Variants in FAM78A observed in about 807,000 individuals in gnomAD.
FAM78A encodes family with sequence similarity 78 member A.
In FAM78A, 12 loss-of-function variants were observed where a neutral mutation model predicts 22.6. That is an observed-to-expected ratio of 0.53 (90% confidence interval 0.34 to 0.86). The LOEUF is 0.86. FAM78A is among the 40% of genes least tolerant of loss of function. The probability of loss-of-function intolerance (pLI) is 0.02; values close to 1 mark genes in which losing one functional copy is unlikely to be tolerated. For missense variants in FAM78A, 322 were observed against 396.1 expected, an observed-to-expected ratio of 0.81 and a Z score of 1.59; for synonymous variants, 151 against 155.8, an observed-to-expected ratio of 0.97 and a Z score of 0.23.
chr9:131,270,175 C>G, intron 1 of FAM78A: 1 of 678,778 alleles, frequency 1.5e-6, no homozygotes, highest in Non-Finnish European at 2.7e-6. Flanking sequence ...CACTGCACTC[C>G]AGCCTGGGTG....
chr9:131,279,351 T>C (rs1835520224), upstream of FAM78A, among the ~76,000 whole-genome samples: 4 of 152,270 alleles, frequency 2.6e-5, no homozygotes, highest in Admixed American at 2.6e-4. Flanking sequence ...CAAAACCTTC[T>C]GTCCCTCTGA....
upstream of FAM78A, among the ~76,000 whole-genome samples, chr9:131,277,363 A>G (rs1398923303): frequency 6.6e-6 from 1 of 151,438 alleles, no homozygotes. This position sits in a 1 kb window ranked among gnomAD's most constrained non-coding sequence, Gnocchi z 8.4. Flanking sequence ...TCCGGCGGGC[A>G]CCCCTTTCCC....
At chr9:131,270,463 G>T in intron 1 of FAM78A, 1 of 717,196 alleles carries the variant, frequency 1.4e-6, no homozygotes, top group African/African-American at 1.7e-5. Flanking sequence ...GCCTCACTTG[G>T]TCTCCAATGT....
Position 131,260,988 on chromosome 9 carries a change from G to A in FAM78A, c.686C>T (p.Ala229Val). Residue 229 changes from alanine to valine, a missense_variant, in exon 2 of 2, where the codon GCC (alanine) becomes GTC (valine). By Grantham distance (64) the Ala-to-Val change is moderately conservative (BLOSUM62 0). Transcript: ENST00000372271. This position sits in a 1 kb window ranked among gnomAD's most constrained non-coding sequence, Gnocchi z 5.4. Reference sequence around the variant, plus strand: ...CTGGGCGATGGGCTCCCGCAGCCGGGCGCGCTGGCCCAGGGGCCGGTTGGG... The same window carrying A: ...CTGGGCGATGGGCTCCCGCAGCCGGACGCGCTGGCCCAGGGGCCGGTTGGG... ...VNPNRPLGQR[A>V]RLREPIAQDQ... 3 of 1,613,456 alleles carry A rather than the reference G, an allele frequency of 1.9e-6. No homozygotes were observed. The highest frequency in any genetic ancestry group is 2.5e-6 in the Non-Finnish European group (3 of 1,179,754).
In FAM78A at chr9:131,274,672, G is replaced by A. The variant is rs112686908; in HGVS notation, c.323+1185C>T. On this transcript the variant is annotated intron_variant, in intron 1 of 1. Coordinates refer to ENST00000372271, the MANE Select transcript of FAM78A (RefSeq NM_033387.4). The surrounding 1 kb of genome is among the most constrained non-coding windows in gnomAD (Gnocchi z 4.2). ...GAGAAGCCACCAGACTTGGTGTCCC[G>A]CCATCCTCCACCCCTCTCATTTACA... Among the ~76,000 whole-genome samples, 68 of 152,284 alleles carry A rather than the reference G, an allele frequency of 4.5e-4. No homozygotes were observed. The highest frequency in any genetic ancestry group is 1.6e-3 in the African/African-American group (65 of 41,564).
chr9:131,273,372 G>A (rs73545956), intron 1 of FAM78A, among the ~76,000 whole-genome samples: 10,021 of 152,262 alleles, frequency 0.066, 1,083 homozygotes, highest in African/African-American at 0.22. Flanking sequence ...CCTGGGGCTG[G>A]TCCCCGTGTA....
chr9:131,277,593 CG>C (rs1395311271), upstream of FAM78A, among the ~76,000 whole-genome samples: 1 of 151,782 alleles, frequency 6.6e-6, no homozygotes, highest in Non-Finnish European at 1.5e-5. This position sits in a 1 kb window ranked among gnomAD's most constrained non-coding sequence, Gnocchi z 8.4. Flanking sequence ...GCTCTCCGGA[CG>C]CCCCTGACCC....
At chr9:131,276,863 G>GC (rs1347341466), upstream of FAM78A, among the ~76,000 whole-genome samples, 1 of 149,164 alleles carries the variant, frequency 6.7e-6, no homozygotes, top group Non-Finnish European at 1.5e-5. The surrounding 1 kb of genome is among the most constrained non-coding windows in gnomAD (Gnocchi z 4.3). Flanking sequence ...TCCCTTCGCC[G>GC]CTGTCGCTGC....
chr9:131,265,358 C>T lies in FAM78A; in HGVS notation c.324-4008G>A, dbSNP rs1469938492. Among the ~76,000 whole-genome samples the T allele has an allele frequency of 1.3e-5, 2 of 152,144 alleles. No individual in the cohort carries two copies. Among genetic ancestry groups the T allele is most frequent in the Non-Finnish European group, 2.9e-5 (2 of 68,028 alleles). On this transcript the variant is annotated intron_variant, in intron 1 of 1. Transcript: ENST00000372271. This position sits in a 1 kb window ranked among gnomAD's most constrained non-coding sequence, Gnocchi z 4.3. ...GCAACCTCTGCCTCCTGGGTTCAAGCGATTCTCCTGCCTCAGCTTCCCAAG... is the reference window on the plus strand; with the variant it reads ...GCAACCTCTGCCTCCTGGGTTCAAGTGATTCTCCTGCCTCAGCTTCCCAAG...
Position 131,275,925 on chromosome 9 carries a change from A to G in FAM78A, c.255T>C (p.Thr85=), listed in dbSNP as rs1054293283. The change falls in exon 1 of 2, where the codon ACT becomes ACC. Residue 85 remains threonine (T), a synonymous_variant. Transcript: ENST00000372271. This position sits in a 1 kb window ranked among gnomAD's most constrained non-coding sequence, Gnocchi z 4.6. ...VVMPPIPKKE[T]WVVGWIQACS... ...ACGCCTGGATCCAGCCAACTACCCAAGTCTCCTTCTTGGGGATGGGCGGCA... is the reference window on the plus strand; with the variant it reads ...ACGCCTGGATCCAGCCAACTACCCAGGTCTCCTTCTTGGGGATGGGCGGCA... 1.2e-6 allele frequency: 2 copies of G among 1,613,198 alleles called. No individual in the cohort carries two copies. The highest frequency in any genetic ancestry group is 1.7e-5 in the Admixed American group (1 of 60,006).
chr9:131,280,613 G>A (rs1835533511), upstream of FAM78A, among the ~76,000 whole-genome samples: 1 of 152,178 alleles, frequency 6.6e-6, no homozygotes, highest in South Asian at 2.1e-4. Context: ...TGGCCACTTG[G>A]GAGCTCAAAG....
rs937069492 is a variant in FAM78A at position 131,258,956 on chromosome 9, G to A, written c.*1866C>T. The A allele has an allele frequency of 6.6e-6, 1 of 152,586 alleles. No individual in the cohort carries two copies. Among genetic ancestry groups the A allele is most frequent in the Non-Finnish European group, 1.5e-5 (1 of 68,050 alleles). 9.5% of individuals were successfully genotyped at this position (152,586 alleles called of 1,614,324 possible). On this transcript the variant is annotated 3_prime_UTR_variant, in exon 2 of 2. Transcript: ENST00000372271. ...AGCCTCCTGGCACGAGCTGGGCCCG[G>A]AGACCGACGGCAGTGGCTAAACGGT...
In FAM78A at chr9:131,265,948, C is replaced by T. The variant is rs1270951814; in HGVS notation, c.324-4598G>A. ...AAGTGGCTTCCTCAGCCTCCCGCAG[C>T]GTCCCTGTCCTGAGTCCCATCATCA... On this transcript the variant is annotated intron_variant, in intron 1 of 1. Coordinates refer to ENST00000372271, the MANE Select transcript of FAM78A (RefSeq NM_033387.4). This position sits in a 1 kb window ranked among gnomAD's most constrained non-coding sequence, Gnocchi z 4.3. 6.6e-6 allele frequency among the ~76,000 whole-genome samples: 1 copy of T among 152,186 alleles called. No homozygotes were observed. Among genetic ancestry groups the T allele is most frequent in the Non-Finnish European group, 1.5e-5 (1 of 68,022 alleles).
At position 131,275,722 on chromosome 9, in the gene FAM78A, C is replaced by T. The variant is rs537560544; in HGVS notation, c.323+135G>A. 4 of 968,118 alleles carry T rather than the reference C, an allele frequency of 4.1e-6. No individual in the cohort carries two copies. The African/African-American group carries it at 5.0e-5, about 12-fold the overall frequency. 60.0% of individuals were successfully genotyped at this position (968,118 alleles called of 1,614,324 possible). A position where few individuals can be genotyped will look rare whatever the true frequency, so the allele number is the denominator to read the frequency against. ...CGGGCCAATGAGGCCACCTGCATAC[C>T]TGCCTAAAGCTTCCCTCTGGCCTCC... On this transcript the variant is annotated intron_variant, in intron 1 of 1. Coordinates refer to ENST00000372271, the MANE Select transcript of FAM78A (RefSeq NM_033387.4). The surrounding 1 kb of genome is among the most constrained non-coding windows in gnomAD (Gnocchi z 4.6).
chr9:131,267,445 T>C (rs948359053), intron 1 of FAM78A, among the ~76,000 whole-genome samples: 1 of 151,960 alleles, frequency 6.6e-6, no homozygotes, highest in Non-Finnish European at 1.5e-5. Flanking sequence ...GGTGGGAGGA[T>C]TGCTTGAGCA....
chr9:131,263,294 C>T (rs1027183161), intron 1 of FAM78A, among the ~76,000 whole-genome samples: 4 of 150,354 alleles, frequency 2.7e-5, no homozygotes. Context: ...GTGGTGAAGG[C>T]TGCAAAACAA....
chr9:131,272,458 A>AC lies in FAM78A; in HGVS notation c.323+3398dup, dbSNP rs1274826685. On this transcript the variant is annotated intron_variant, in intron 1 of 1. Transcript: ENST00000372271. This position sits in a 1 kb window ranked among gnomAD's most constrained non-coding sequence, Gnocchi z 4.1. Reference sequence around the variant, plus strand: ...CCCAGCCCCCTACCATGCACAGGACACCCCCCACCAGCACAGACAGAATTA... The same window carrying AC: ...CCCAGCCCCCTACCATGCACAGGACACCCCCCCACCAGCACAGACAGAATTA... Among the ~76,000 whole-genome samples, 1 of 151,620 alleles carries AC rather than the reference A, an allele frequency of 6.6e-6. No individual in the cohort carries two copies. The highest frequency in any genetic ancestry group is 2.4e-5 in the African/African-American group (1 of 41,204).
intron 1 of FAM78A, among the ~76,000 whole-genome samples, chr9:131,262,970 T>C (rs891675196): frequency 2.0e-5 from 3 of 152,128 alleles, no homozygotes; most frequent in Admixed American, 6.5e-5. Context: ...CTGGGCGCAG[T>C]GGCTCACACC....
At chr9:131,267,710 G>A (rs1307025744) in intron 1 of FAM78A, among the ~76,000 whole-genome samples, 1 of 152,064 alleles carries the variant, frequency 6.6e-6, no homozygotes, top group Admixed American at 6.6e-5. Context: ...CCTACAAGTG[G>A]CTCACATTGG....
Sources: gnomAD v4.1 joint callset for allele counts (sites outside exome capture counted in the v4.1 genomes callset) on GRCh38, gnomAD v4.1.1 for gene constraint, Gnocchi (gnomAD v3.1) non-coding constraint, MANE v1.5 for transcripts, NCBI Gene and HGNC (gene_info 2026-07-23, HGNC 2026-07-21) for gene names.